FMNL3: variants seen among roughly 807,000 people sequenced by gnomAD.
FMNL3 encodes formin-like protein 3.
A neutral mutation model predicts 119.6 loss-of-function variants in FMNL3; 57 were observed. That is an observed-to-expected ratio of 0.48 (90% CI 0.39 to 0.59). The LOEUF (loss-of-function observed/expected upper bound fraction) is 0.59, where lower values mean the gene tolerates loss of function less well. FMNL3 is among the 20% of genes least tolerant of loss of function. FMNL3 has a pLI of 0.00. For synonymous variants in FMNL3, 491 were observed against 507.3 expected (o/e 0.97, Z 0.43); for missense variants, 1,053 against 1,323.5 (o/e 0.80, Z 3.17).
chr12:49,664,661 T>A (rs938908761), intron 4 of FMNL3, among the ~76,000 whole-genome samples: 2 of 152,182 alleles, frequency 1.3e-5, no homozygotes, highest in Non-Finnish European at 2.9e-5. Flanking sequence ...TTTCAATGTC[T>A]GATTCACAGA....
chr12:49,643,699 C>T lies in FMNL3; in HGVS notation c.*2116G>A, dbSNP rs1430859174. The T allele has an allele frequency of 3.1e-6, 5 of 1,613,904 alleles. No homozygotes were observed. In the African/African-American group the frequency reaches 6.7e-5, roughly 22 times the overall value. ...GATTTTTCTATCTCTAGATCATGGC[C>T]TTCGGAAAGCCAAGAAACCAAAAAA... On this transcript the variant is annotated 3_prime_UTR_variant, in exon 26 of 26. Transcript: ENST00000335154.
At chr12:49,648,391 C>G in intron 21 of FMNL3, 38 bp from the exon 22 acceptor site, 7 of 1,584,434 alleles carry the variant, frequency 4.4e-6, no homozygotes, top group Non-Finnish European at 6.0e-6. Flanking sequence ...TGCCTAGGGC[C>G]TGGCATGCTC....
chr12:49,701,958 G>C (rs1944921116), intron 1 of FMNL3, among the ~76,000 whole-genome samples: 1 of 151,920 alleles, frequency 6.6e-6, no homozygotes, highest in Non-Finnish European at 1.5e-5. Context: ...ACTAGCCTGG[G>C]AAAACTAATG....
chr12:49,653,381 C>T (rs1444603204), intron 12 of FMNL3, 54 bp from the exon 13 acceptor site: 1 of 1,577,684 alleles, frequency 6.3e-7, no homozygotes, highest in Non-Finnish European at 8.7e-7. Context: ...GGGCACTCAG[C>T]ACAGCCTGAA....
Position 49,640,062 on chromosome 12 carries a change from C to T in FMNL3, c.*5753G>A, listed in dbSNP as rs1019771551. The T allele has an allele frequency of 6.6e-6, 1 of 152,198 alleles. No individual in the cohort carries two copies. Among genetic ancestry groups the T allele is most frequent in the African/African-American group, 2.4e-5 (1 of 41,438 alleles). The allele number at this position is 152,198 out of a possible 1,614,324, so 9.4% of individuals were successfully genotyped here. A position where few individuals can be genotyped will look rare whatever the true frequency, so the allele number is the denominator to read the frequency against. On this transcript the variant is annotated 3_prime_UTR_variant, in exon 26 of 26. Transcript: ENST00000335154. ...AGCAACTTTTTTAGACAGTTCCCTT[C>T]CTCTTTCCCCATTTGGGTTCCTGCC...
chr12:49,650,041 C>T, intron 17 of FMNL3, 116 bp from the exon 18 acceptor site: 1 of 810,234 alleles, frequency 1.2e-6, no homozygotes, highest in Admixed American at 2.3e-5. Flanking sequence ...GGAACACAGC[C>T]AAAGGCAAAG....
rs745453791 is a variant in FMNL3, at chr12:49,645,782, G to A, written c.*33C>T. The A allele has an allele frequency of 3.2e-6, 5 of 1,574,626 alleles. No individual in the cohort carries two copies. The highest frequency in any genetic ancestry group is 1.4e-5 in the African/African-American group (1 of 72,582). On this transcript the variant is annotated 3_prime_UTR_variant, in exon 26 of 26. Coordinates refer to ENST00000335154, the MANE Select transcript of FMNL3 (RefSeq NM_175736.5). ...CCACTGGTTGGACTTGTAGGACTCT[G>A]AGGGGTGAAGTGCTTCTGCCTCCGA...
chr12:49,650,182 G>A (rs529785843), intron 17 of FMNL3, among the ~76,000 whole-genome samples: 13 of 152,216 alleles, frequency 8.5e-5, no homozygotes, highest in African/African-American at 2.9e-4. Flanking sequence ...CATGGCTTAC[G>A]AGGTCCAGCC....
At chr12:49,679,519 CTTTTTTTTTT>C (rs551320921) in intron 1 of FMNL3, among the ~76,000 whole-genome samples, 5 of 90,622 alleles carry the variant, frequency 5.5e-5, no homozygotes, top group Non-Finnish European at 6.2e-5. Flanking sequence ...GCATTTGTGT[CTTTTTTTTTT>C]TTTTTTTTTT....
In FMNL3 at chr12:49,707,310, G is replaced by A; in HGVS notation, c.-130C>T. On this transcript the variant is annotated 5_prime_UTR_variant, in exon 1 of 26. Transcript: ENST00000335154. ...TCCCGACTCCTCGGCCCCGTCGAGGGCGCCGGGGGTTCCCTGGAGTCCCGC... is the reference window on the plus strand; with the variant it reads ...TCCCGACTCCTCGGCCCCGTCGAGGACGCCGGGGGTTCCCTGGAGTCCCGC... The A allele has an allele frequency of 1.1e-6, 1 of 875,142 alleles. No individual in the cohort carries two copies. Among genetic ancestry groups the A allele is most frequent in the Non-Finnish European group, 1.6e-6 (1 of 630,192 alleles). 54.2% of individuals were successfully genotyped at this position (875,142 alleles called of 1,614,324 possible).
chr12:49,707,262 T>G lies in FMNL3; in HGVS notation c.-82A>C. 3 of 1,288,290 alleles carry G rather than the reference T, an allele frequency of 2.3e-6. No homozygotes were observed. The highest frequency in any genetic ancestry group is 3.0e-6 in the Non-Finnish European group (3 of 987,516). The allele number at this position is 1,288,290 out of a possible 1,614,324, so 79.8% of individuals were successfully genotyped here. On this transcript the variant is annotated 5_prime_UTR_variant, in exon 1 of 26. Coordinates refer to ENST00000335154, the MANE Select transcript of FMNL3 (RefSeq NM_175736.5). Reference sequence around the variant, plus strand: ...GGCTCCGCGGCTCCGACCAGGCTCCTCCCTCAGCGCCGGCTCCCCGAGTCC... The same window carrying G: ...GGCTCCGCGGCTCCGACCAGGCTCCGCCCTCAGCGCCGGCTCCCCGAGTCC...
chr12:49,651,555 A>C (rs952175867), intron 14 of FMNL3, 105 bp from the exon 15 acceptor site: 11 of 1,012,168 alleles, frequency 1.1e-5, no homozygotes, highest in South Asian at 9.3e-5. Flanking sequence ...AAAAAAAAAA[A>C]AACTCTCAGA....
At chr12:49,667,095 A>G (rs1943912933) in intron 2 of FMNL3, among the ~76,000 whole-genome samples, 1 of 152,258 alleles carries the variant, frequency 6.6e-6, no homozygotes, top group Non-Finnish European at 1.5e-5. Context: ...ACCACGTCCT[A>G]CTTTAGGCCA....
intron 8 of FMNL3, 54 bp from the exon 9 acceptor site, chr12:49,656,551 A>G: frequency 6.7e-7 from 1 of 1,491,068 alleles, no homozygotes; most frequent in Non-Finnish European, 9.3e-7. Flanking sequence ...TGACAACCAC[A>G]CAGCTCATTT....
intron 1 of FMNL3, among the ~76,000 whole-genome samples, chr12:49,692,768 C>G (rs7313738): frequency 0.21 from 32,435 of 151,886 alleles, 5,769 homozygotes; most frequent in African/African-American, 0.5. Context: ...CTGGGAGATG[C>G]ATAATAAACA....
chr12:49,656,926 G>A, intron 7 of FMNL3, 27 bp from the exon 8 acceptor site: 2 of 1,598,666 alleles, frequency 1.3e-6, no homozygotes, highest in Non-Finnish European at 1.7e-6. Flanking sequence ...AGAAGGAGGG[G>A]ACCTTGATGG....
At position 49,707,314 on chromosome 12, in the gene FMNL3, CG is replaced by C. The variant is rs1047172408; in HGVS notation, c.-135del. The C allele has an allele frequency of 8.4e-6, 7 of 833,526 alleles. No individual in the cohort carries two copies. The African/African-American group carries it at 9.0e-5, about 11-fold the overall frequency. 51.6% of individuals were successfully genotyped at this position (833,526 alleles called of 1,614,324 possible). On this transcript the variant is annotated 5_prime_UTR_variant, in exon 1 of 26. Coordinates refer to ENST00000335154, the MANE Select transcript of FMNL3 (RefSeq NM_175736.5). ...GACTCCTCGGCCCCGTCGAGGGCGCCGGGGGTTCCCTGGAGTCCCGCTGGCG... is the reference window on the plus strand; with the variant it reads ...GACTCCTCGGCCCCGTCGAGGGCGCCGGGGTTCCCTGGAGTCCCGCTGGCG...
At chr12:49,651,533 C>G in intron 14 of FMNL3, 83 bp from the exon 15 acceptor site, 2 of 1,096,940 alleles carry the variant, frequency 1.8e-6, no homozygotes, top group Non-Finnish European at 2.4e-6. Context: ...GTCCCACCTT[C>G]TCTGAGAGTT....
chr12:49,663,606 G>C (rs1943801931), intron 4 of FMNL3, among the ~76,000 whole-genome samples: 1 of 152,242 alleles, frequency 6.6e-6, no homozygotes, highest in Admixed American at 6.5e-5. Context: ...GCCAGGCACT[G>C]AGCTATTCCC....
Sources: gnomAD v4.1 joint callset for allele counts (sites outside exome capture counted in the v4.1 genomes callset) on GRCh38, gnomAD v4.1.1 for gene constraint, MANE v1.5 for transcripts, NCBI Gene and HGNC (gene_info 2026-07-23, HGNC 2026-07-21) for gene names.